ZBTB20: variants seen among roughly 807,000 people sequenced by gnomAD.
ZBTB20 encodes the protein zinc finger and BTB domain containing 20, also known as zinc finger and BTB domain-containing protein 20.
In ZBTB20, 9 loss-of-function variants were observed where a neutral mutation model predicts 56.9. The observed-to-expected ratio is 0.16, with a 90% confidence interval of 0.10 to 0.28. ZBTB20 has a LOEUF of 0.28. ZBTB20 is among the 10% of genes least tolerant of loss of function. ZBTB20 has a pLI of 1.00. For missense variants in ZBTB20, 655 were observed against 1,003.0 expected (o/e 0.65, Z 4.69); for synonymous variants, 417 against 420.7 (o/e 0.99, Z 0.11).
chr3:114,602,258 A>G (rs950470679), intron 6 of ZBTB20, among the ~76,000 whole-genome samples: 15 of 152,032 alleles, frequency 9.9e-5, no homozygotes, highest in Admixed American at 2.0e-4. Flanking sequence ...TCCCAAGCAC[A>G]TGTGAGATGT....
At chr3:114,694,564 A>G (rs572346755) in intron 5 of ZBTB20, among the ~76,000 whole-genome samples, 56 of 152,128 alleles carry the variant, frequency 3.7e-4, no homozygotes, top group Middle Eastern at 3.4e-3. Flanking sequence ...AATTTTTTTT[A>G]TAGTTACCAT....
At chr3:114,643,786 G>A (rs1316512230) in intron 6 of ZBTB20, among the ~76,000 whole-genome samples, 1 of 152,040 alleles carries the variant, frequency 6.6e-6, no homozygotes, top group African/African-American at 2.4e-5. Flanking sequence ...CATGACTGAA[G>A]TACAGTTTTT....
At chr3:114,737,546 C>T (rs1045228709) in intron 5 of ZBTB20, among the ~76,000 whole-genome samples, 1 of 152,082 alleles carries the variant, frequency 6.6e-6, no homozygotes, top group Non-Finnish European at 1.5e-5. Flanking sequence ...ACCAAAACTG[C>T]TATTCATGGG....
chr3:114,685,146 C>A (rs961265446), intron 6 of ZBTB20, among the ~76,000 whole-genome samples: 3 of 152,126 alleles, frequency 2.0e-5, no homozygotes, highest in African/African-American at 7.2e-5. Flanking sequence ...AAAATCTGTT[C>A]ATCCCGCTAT....
chr3:114,890,276 A>G (rs1381521088), intron 4 of ZBTB20, among the ~76,000 whole-genome samples: 1 of 152,246 alleles, frequency 6.6e-6, no homozygotes, highest in Non-Finnish European at 1.5e-5. Context: ...GTTCTTAAAT[A>G]AATTTAAAAA....
chr3:114,459,449 T>C (rs1389041847), intron 7 of ZBTB20, among the ~76,000 whole-genome samples: 5 of 152,166 alleles, frequency 3.3e-5, no homozygotes, highest in Admixed American at 2.0e-4. Context: ...GTAATAATGA[T>C]AGCAGTCTCT....
intron 5 of ZBTB20, among the ~76,000 whole-genome samples, chr3:114,714,763 CT>C (rs2064345155): frequency 6.6e-6 from 1 of 152,178 alleles, no homozygotes; most frequent in Non-Finnish European, 1.5e-5. Flanking sequence ...CAAATGACAA[CT>C]TTTTCGCTGC....
At chr3:114,696,421 C>T (rs916521618) in intron 5 of ZBTB20, among the ~76,000 whole-genome samples, 1 of 151,994 alleles carries the variant, frequency 6.6e-6, no homozygotes, top group Non-Finnish European at 1.5e-5. Context: ...CCCACCTTTT[C>T]TGGTTGTATT....
chr3:114,376,532 G>A (rs1407202316), intron 10 of ZBTB20, among the ~76,000 whole-genome samples: 5 of 152,146 alleles, frequency 3.3e-5, no homozygotes, highest in Non-Finnish European at 7.4e-5. Flanking sequence ...AGACTTGGGC[G>A]GGTGAAGCAA....
intron 1 of ZBTB20, among the ~76,000 whole-genome samples, chr3:115,073,100 A>G (rs1465336724): frequency 1.3e-5 from 2 of 152,236 alleles, no homozygotes; most frequent in East Asian, 3.8e-4. Flanking sequence ...AACTGAAATG[A>G]GAACTGGAAC....
At chr3:114,573,024 G>C (rs755054994) in intron 6 of ZBTB20, among the ~76,000 whole-genome samples, 3 of 152,214 alleles carry the variant, frequency 2.0e-5, no homozygotes, top group South Asian at 2.1e-4. Context: ...ATTTTCATAA[G>C]AGAAATTTAG....
At chr3:114,704,883 A>G (rs369035281) in intron 5 of ZBTB20, among the ~76,000 whole-genome samples, 4 of 150,842 alleles carry the variant, frequency 2.7e-5, no homozygotes, top group Non-Finnish European at 5.9e-5. Flanking sequence ...ACCCAATATC[A>G]TTATTTTCTA....
intron 11 of ZBTB20, among the ~76,000 whole-genome samples, chr3:114,343,048 T>C (rs1256367294): frequency 1.3e-5 from 2 of 151,430 alleles, no homozygotes; most frequent in Non-Finnish European, 2.9e-5. Context: ...TTGGGCGTGG[T>C]AAAAGTATAC....
At chr3:114,671,804 C>T (rs2061374798) in intron 6 of ZBTB20, among the ~76,000 whole-genome samples, 2 of 152,054 alleles carry the variant, frequency 1.3e-5, no homozygotes, top group Non-Finnish European at 2.9e-5. Flanking sequence ...CTAAGGAGTA[C>T]ATGCATTTGA....
At chr3:114,427,992 G>T (rs888675480) in intron 7 of ZBTB20, among the ~76,000 whole-genome samples, 3 of 152,166 alleles carry the variant, frequency 2.0e-5, no homozygotes, top group African/African-American at 7.2e-5. Flanking sequence ...CACGGGGACT[G>T]GGGGGCATGC....
At chr3:115,081,939 T>C (rs953098954) in intron 1 of ZBTB20, among the ~76,000 whole-genome samples, 1 of 152,180 alleles carries the variant, frequency 6.6e-6, no homozygotes, top group Non-Finnish European at 1.5e-5. Flanking sequence ...GTCTGATTGG[T>C]GTCTCTGGAA....
intron 5 of ZBTB20, among the ~76,000 whole-genome samples, chr3:114,756,562 T>G (rs2068025313): frequency 6.6e-6 from 1 of 152,202 alleles, no homozygotes; most frequent in Non-Finnish European, 1.5e-5. Context: ...ACATACATTT[T>G]TTACTTAGAG....
rs139046904 is a variant in ZBTB20 at position 114,551,603 on chromosome 3, A to G, written c.-294-51212T>C. Among the ~76,000 whole-genome samples, 440 of 152,360 alleles carry G rather than the reference A, an allele frequency of 2.9e-3. 2 individuals are homozygous for G. Among genetic ancestry groups the G allele is most frequent in the African/African-American group, 0.01 (416 of 41,578 alleles). Reference sequence around the variant, plus strand: ...AGATAGAGATATACATAAGCAACAAAGTGAAGAATGATAGATTGGAAGTGG... The same window carrying G: ...AGATAGAGATATACATAAGCAACAAGGTGAAGAATGATAGATTGGAAGTGG... On this transcript the variant is annotated intron_variant, in intron 6 of 11. Transcript: ENST00000675478.
At chr3:115,048,811 G>C (rs2081430819) in intron 2 of ZBTB20, among the ~76,000 whole-genome samples, 1 of 152,022 alleles carries the variant, frequency 6.6e-6, no homozygotes, top group Non-Finnish European at 1.5e-5. Context: ...TTTAGCACTT[G>C]TCTTAAAACA....
Sources: gnomAD v4.1 joint callset for allele counts (sites outside exome capture counted in the v4.1 genomes callset) on GRCh38, gnomAD v4.1.1 for gene constraint, MANE v1.5 for transcripts, NCBI Gene and HGNC (gene_info 2026-07-23, HGNC 2026-07-21) for gene names.